The following NPRL3 variants were observed in gnomAD, a reference collection of about 807,000 sequenced individuals.
NPRL3 encodes NPR3 like, GATOR1 complex subunit.
NPRL3 carries 23 observed loss-of-function variants against 57.2 expected under a neutral mutation model. That is an observed-to-expected ratio of 0.40 (90% confidence interval 0.29 to 0.57). NPRL3 has a LOEUF of 0.57. NPRL3 is among the 20% of genes least tolerant of loss of function. NPRL3 has a pLI of 0.42. For synonymous variants in NPRL3, 333 were observed against 321.1 expected (o/e 1.04, Z -0.39); for missense variants, 691 against 767.1 (o/e 0.90, Z 1.17).
intron 3 of NPRL3, 129 bp downstream of exon 3, chr16:130,393 C>A: frequency 1.1e-6 from 1 of 881,902 alleles, no homozygotes; most frequent in South Asian, 1.6e-5. Flanking sequence ...CTGAGAGCAC[C>A]CACTAAACGG....
chr16:124,149 A>G (rs1474017015), intron 3 of NPRL3, among the ~76,000 whole-genome samples: 5 of 151,836 alleles, frequency 3.3e-5, no homozygotes, highest in Non-Finnish European at 7.4e-5. Context: ...ACGCTGAGAA[A>G]CAGGGTCACA....
rs773241736 is a variant in NPRL3 at position 100,326 on chromosome 16, G to C, written c.767+46C>G. The C allele has an allele frequency of 2.7e-5, 38 of 1,430,404 alleles. No individual in the cohort carries two copies. The South Asian group carries it at 5.8e-4, about 22-fold the overall frequency. 88.6% of individuals were successfully genotyped at this position (1,430,404 alleles called of 1,614,324 possible). ...GGTAAAATCTCAGGCAGAAGCTAAAGGGAAGGGCCCTGGCAGGGAGTGAGC... is the reference window on the plus strand; with the variant it reads ...GGTAAAATCTCAGGCAGAAGCTAAACGGAAGGGCCCTGGCAGGGAGTGAGC... On this transcript the variant is annotated intron_variant, in intron 8 of 13. Coordinates refer to ENST00000611875, the MANE Select transcript of NPRL3 (RefSeq NM_001077350.3).
chr16:88,721 A>C lies in NPRL3; in HGVS notation c.1521T>G (p.Pro507=). The stretch of plus-strand genomic sequence containing the variant: ...ACCTGGCAAACATGCGGAGGTCCTC[A>C]GGGTTCTGGGCTGCGGGTACACTGA... ...AILSVPAAQN[P]EDLRMFARLL... is the part of the protein sequence containing the mutation. The change falls in exon 13 of 14, where the codon CCT becomes CCG. Residue 507 remains proline (P), a synonymous_variant. Coordinates refer to ENST00000611875, the MANE Select transcript of NPRL3 (RefSeq NM_001077350.3). The C allele has an allele frequency of 1.2e-6, 2 of 1,612,120 alleles. No individual in the cohort carries two copies. Among genetic ancestry groups the C allele is most frequent in the Non-Finnish European group, 1.7e-6 (2 of 1,178,608 alleles).
intron 8 of NPRL3, among the ~76,000 whole-genome samples, chr16:100,063 A>C (rs939102127): frequency 1.3e-5 from 2 of 151,076 alleles, no homozygotes; most frequent in African/African-American, 4.9e-5. Flanking sequence ...GGGCAACACC[A>C]TTAAGATGAA....
At chr16:97,410 ATTT>A (rs34410203) in intron 9 of NPRL3, among the ~76,000 whole-genome samples, 1 of 115,066 alleles carries the variant, frequency 8.7e-6, no homozygotes, top group African/African-American at 3.4e-5. Flanking sequence ...ACACCCAGCT[ATTT>A]TTTTTTTTTT....
At chr16:96,237 C>T (rs144848786) in intron 9 of NPRL3, among the ~76,000 whole-genome samples, 4 of 152,300 alleles carry the variant, frequency 2.6e-5, no homozygotes, top group Non-Finnish European at 5.9e-5. Flanking sequence ...TCCAAGGAGA[C>T]TCTGACAGCA....
At chr16:125,076 C>CAAA (rs61016911) in intron 3 of NPRL3, 209 of 66,874 alleles carry the variant, frequency 3.1e-3, no homozygotes, top group African/African-American at 9.3e-3. Context: ...AACTTTGTCT[C>CAAA]AAAAAAAAAA....
At chr16:96,837 G>A (rs989499924) in intron 9 of NPRL3, among the ~76,000 whole-genome samples, 14 of 152,026 alleles carry the variant, frequency 9.2e-5, no homozygotes, top group Non-Finnish European at 2.1e-4. Context: ...TCTCACAGAG[G>A]ATAGATAAAG....
At chr16:111,564 C>T (rs1281133911) in intron 6 of NPRL3, among the ~76,000 whole-genome samples, 1 of 151,952 alleles carries the variant, frequency 6.6e-6, no homozygotes, top group Non-Finnish European at 1.5e-5. Context: ...ATTCTCCCAC[C>T]TCAGCATCCC....
rs1179261850 is a variant in NPRL3, at chr16:108,607, CA to C, written c.629+1917del. ...GGGCAGTTGCGGCTCACTAGGCAGC[CA>C]AAAAAAGAATTAAAAAGTATTTTTT... On this transcript the variant is annotated intron_variant, in intron 7 of 13. Coordinates refer to ENST00000611875, the MANE Select transcript of NPRL3 (RefSeq NM_001077350.3). Among the ~76,000 whole-genome samples, 11 of 150,234 alleles carry C rather than the reference CA, an allele frequency of 7.3e-5. 1 individual carries two copies. The highest frequency in any genetic ancestry group is 1.3e-4 in the Non-Finnish European group (9 of 67,658).
intron 9 of NPRL3, among the ~76,000 whole-genome samples, chr16:97,258 CTTTT>C (rs528855343): frequency 6.9e-6 from 1 of 145,030 alleles, no homozygotes; most frequent in Non-Finnish European, 1.5e-5. Flanking sequence ...TCTCCCCGTG[CTTTT>C]TTTTTTTTTG....
At chr16:101,427 C>T (rs936558239) in intron 7 of NPRL3, among the ~76,000 whole-genome samples, 3 of 152,242 alleles carry the variant, frequency 2.0e-5, no homozygotes, top group Non-Finnish European at 4.4e-5. Context: ...CCAGCCCCAA[C>T]ACTTCACTAC....
intron 7 of NPRL3, among the ~76,000 whole-genome samples, chr16:107,952 G>T (rs1899608976): frequency 6.6e-6 from 1 of 152,260 alleles, no homozygotes; most frequent in Non-Finnish European, 1.5e-5. Context: ...TTCAAAGCCA[G>T]AGGGTAGTAA....
intron 2 of NPRL3, among the ~76,000 whole-genome samples, chr16:135,974 T>C (rs1008948821): frequency 6.6e-6 from 1 of 152,220 alleles, no homozygotes; most frequent in African/African-American, 2.4e-5. Flanking sequence ...ATATGCTTTC[T>C]ATCTCAATTA....
chr16:137,045 TAAAAAAA>T (rs71391116), intron 2 of NPRL3, among the ~76,000 whole-genome samples: 718 of 66,084 alleles, frequency 0.011, 2 homozygotes, highest in Non-Finnish European at 0.015. Context: ...CCATCTCTAC[TAAAAAAA>T]AAAAAAAAAA....
chr16:127,235 A>AT (rs35559832), intron 3 of NPRL3: 4,141 of 99,790 alleles, frequency 0.041, 111 homozygotes, highest in African/African-American at 0.072. Context: ...GCACTGTCCA[A>AT]TTTTTTTTTT....
At position 89,088 on chromosome 16, in the gene NPRL3, T is replaced by C. The variant is rs891145; in HGVS notation, c.1352-198A>G. ...TCATACGGCTGACTTGGGAAACGGG[T>C]AGCCTCCCCTCTGGGGGCAACCTCA... On this transcript the variant is annotated intron_variant, in intron 12 of 13. Coordinates refer to ENST00000611875, the MANE Select transcript of NPRL3 (RefSeq NM_001077350.3). The C allele has an allele frequency of 0.098, 58,452 of 594,050 alleles. 3,613 individuals are homozygous for C. Among genetic ancestry groups the C allele is most frequent in the African/African-American group, 0.22 (12,093 of 54,012 alleles). The allele number at this position is 594,050 out of a possible 1,614,324, so 36.8% of individuals were successfully genotyped here. A position where few individuals can be genotyped will look rare whatever the true frequency, so the allele number is the denominator to read the frequency against.
intron 13 of NPRL3, among the ~76,000 whole-genome samples, chr16:87,794 TCTC>T (rs1898562802): frequency 6.7e-6 from 1 of 150,352 alleles, no homozygotes; most frequent in African/African-American, 2.5e-5. Context: ...ATGATCTCGA[TCTC>T]CTGACCTCGT....
At chr16:95,750 T>C (rs1466347888) in intron 9 of NPRL3, among the ~76,000 whole-genome samples, 1 of 152,252 alleles carries the variant, frequency 6.6e-6, no homozygotes, top group East Asian at 1.9e-4. Flanking sequence ...TTTAATTTTC[T>C]GTAAAGACAG....
Sources: gnomAD v4.1 joint callset for allele counts (sites outside exome capture counted in the v4.1 genomes callset) on GRCh38, gnomAD v4.1.1 for gene constraint, MANE v1.5 for transcripts, NCBI Gene and HGNC (gene_info 2026-07-23, HGNC 2026-07-21) for gene names.